The following LIPC variants were observed in gnomAD, a reference collection of about 807,000 sequenced individuals.
The protein encoded by LIPC is lipase C, hepatic type.
LIPC carries 44 observed loss-of-function variants against 50.7 expected under a neutral mutation model. The observed-to-expected ratio is 0.87, with a 90% confidence interval of 0.68 to 1.11. The LOEUF is 1.11. Among genes scored for constraint, LIPC ranks in the 50% most tolerant of loss-of-function variants. The pLI is 0.00. For missense variants in LIPC, 697 were observed against 648.2 expected, an observed-to-expected ratio of 1.08 and a Z score of -0.82; for synonymous variants, 271 against 256.4, an observed-to-expected ratio of 1.06 and a Z score of -0.54.
intron 1 of LIPC, chr15:58,454,979 T>C (rs1300924016): frequency 6.6e-6 from 1 of 152,250 alleles, no homozygotes. Context: ...CTGTTCTCAT[T>C]TTACTATTGT....
At chr15:58,452,798 A>G (rs1203890719) in intron 1 of LIPC, among the ~76,000 whole-genome samples, 2 of 152,108 alleles carry the variant, frequency 1.3e-5, no homozygotes, top group Non-Finnish European at 2.9e-5. Context: ...TCAGAGCCCA[A>G]CCCCCATGGG....
At chr15:58,561,462 G>A (rs1010719813) in intron 7 of LIPC, among the ~76,000 whole-genome samples, 1 of 152,200 alleles carries the variant, frequency 6.6e-6, no homozygotes, top group Non-Finnish European at 1.5e-5. Flanking sequence ...GGAGACCAAG[G>A]TTCTTATTAT....
In LIPC at chr15:58,542,524, T is replaced by G. The variant is rs768058337; in HGVS notation, c.457-10T>G. The stretch of plus-strand genomic sequence containing the variant: ...TCTTCTCCTGCCCCCATCCCGCTGC[T>G]GTCTTCCAGGAATCTGTGCAACTCT... On this transcript the variant is annotated splice_polypyrimidine_tract_variant and intron_variant, in intron 3 of 8. Coordinates refer to ENST00000299022, the MANE Select transcript of LIPC (RefSeq NM_000236.3). 3.2e-6 allele frequency: 5 copies of G among 1,575,758 alleles called. No homozygotes were observed.
chr15:58,538,312 G>GT (rs1380345378), intron 1 of LIPC, 21 bp from the exon 2 acceptor site: 2 of 1,613,266 alleles, frequency 1.2e-6, no homozygotes, highest in African/African-American at 2.7e-5. Flanking sequence ...GCTAAGCACC[G>GT]TCCCCAATCT....
At chr15:58,493,556 C>CGT (rs1891659837) in intron 1 of LIPC, among the ~76,000 whole-genome samples, 99 of 23,422 alleles carry the variant, frequency 4.2e-3, no homozygotes, top group African/African-American at 0.011. Context: ...AAATTTATTA[C>CGT]ATATAAATAA....
At chr15:58,445,887 T>C (rs1893677730) in intron 1 of LIPC, among the ~76,000 whole-genome samples, 1 of 152,236 alleles carries the variant, frequency 6.6e-6, no homozygotes, top group African/African-American at 2.4e-5. Context: ...TACGCATCTA[T>C]TTACTAAATA....
At chr15:58,480,923 G>A (rs578073150) in intron 1 of LIPC, among the ~76,000 whole-genome samples, 1 of 152,144 alleles carries the variant, frequency 6.6e-6, no homozygotes. Context: ...GCTTCTCGGA[G>A]GCAGGTCCAG....
At chr15:58,446,959 C>T (rs373573111) in intron 1 of LIPC, among the ~76,000 whole-genome samples, 1 of 151,808 alleles carries the variant, frequency 6.6e-6, no homozygotes, top group African/African-American at 2.4e-5. Context: ...ACCAGCCTGG[C>T]CAATATGGTG....
At chr15:58,528,178 C>T (rs1397844444) in intron 1 of LIPC, among the ~76,000 whole-genome samples, 1 of 151,476 alleles carries the variant, frequency 6.6e-6, no homozygotes, top group African/African-American at 2.4e-5. Context: ...GGCTGTTTGG[C>T]CAAGTTAATG....
At chr15:58,533,293 G>T in intron 1 of LIPC, 2 of 400,148 alleles carry the variant, frequency 5.0e-6, no homozygotes, top group Non-Finnish European at 6.8e-6. Flanking sequence ...AGAGTGGCCA[G>T]GTTTAAATGA....
chr15:58,449,264 ATT>A lies in LIPC; in HGVS notation c.88+17145_88+17146del, dbSNP rs573125208. ...TTATGAAGCATGTTGGCAGCCATCG[ATT>A]AGGACTAAACTCTATGCTCATTGGG... On this transcript the variant is annotated intron_variant, in intron 1 of 8. Coordinates refer to ENST00000299022, the MANE Select transcript of LIPC (RefSeq NM_000236.3). Among the ~76,000 whole-genome samples the A allele has an allele frequency of 8.5e-5, 13 of 152,322 alleles. No homozygotes were observed. In the South Asian group the frequency reaches 2.7e-3, roughly 32 times the overall value.
At chr15:58,450,051 T>G (rs576309834) in intron 1 of LIPC, among the ~76,000 whole-genome samples, 1 of 152,218 alleles carries the variant, frequency 6.6e-6, no homozygotes, top group Non-Finnish European at 1.5e-5. Flanking sequence ...AGCACCTTAG[T>G]AGAAAAATTG....
At chr15:58,491,473 G>A (rs1359301159) in intron 1 of LIPC, among the ~76,000 whole-genome samples, 1 of 152,216 alleles carries the variant, frequency 6.6e-6, no homozygotes, top group Non-Finnish European at 1.5e-5. Context: ...CTGCCTGGCA[G>A]ACTACTTAAA....
intron 1 of LIPC, among the ~76,000 whole-genome samples, chr15:58,519,786 T>C (rs1222803701): frequency 6.6e-6 from 1 of 152,242 alleles, no homozygotes; most frequent in Admixed American, 6.5e-5. Context: ...CCCTTGCTCT[T>C]AGCATCCGTT....
In LIPC at chr15:58,479,259, A is replaced by T. The variant is rs189769681; in HGVS notation, c.88+47139A>T. Among the ~76,000 whole-genome samples, 4 of 152,388 alleles carry T rather than the reference A, an allele frequency of 2.6e-5. No homozygotes were observed. The East Asian group carries it at 7.7e-4, about 29-fold the overall frequency. ...TCAGCCTGAAAATAATCAATGCAAT[A>T]GCACTGTAGTGACACTGTCGAAAAC... On this transcript the variant is annotated intron_variant, in intron 1 of 8. Coordinates refer to ENST00000299022, the MANE Select transcript of LIPC (RefSeq NM_000236.3).
chr15:58,472,484 G>A (rs1394568475), intron 1 of LIPC, among the ~76,000 whole-genome samples: 2 of 150,802 alleles, frequency 1.3e-5, no homozygotes, highest in Admixed American at 6.6e-5. Flanking sequence ...GCTGAGGCAT[G>A]CGAATCACTT....
At chr15:58,556,888 G>C (rs1893972325) in intron 6 of LIPC, among the ~76,000 whole-genome samples, 3 of 152,196 alleles carry the variant, frequency 2.0e-5, no homozygotes, top group African/African-American at 7.2e-5. Flanking sequence ...TTATAAAGTT[G>C]TTGTAAAGAG....
intron 1 of LIPC, among the ~76,000 whole-genome samples, chr15:58,537,100 A>G (rs1893148802): frequency 6.6e-6 from 1 of 152,222 alleles, no homozygotes; most frequent in Middle Eastern, 3.2e-3. Context: ...ACCTTCTACC[A>G]GAAGGAAGGG....
intron 7 of LIPC, 102 bp from the exon 8 acceptor site, chr15:58,563,403 C>A: frequency 2.0e-6 from 2 of 987,430 alleles, no homozygotes; most frequent in Non-Finnish European, 3.2e-6. Context: ...CAGCAAAAAT[C>A]CCAAGTCATT....
Sources: allele counts gnomAD v4.1 joint callset (sites outside exome capture counted in the v4.1 genomes callset), GRCh38; gene constraint gnomAD v4.1.1; transcripts MANE v1.5; gene names NCBI Gene and HGNC (gene_info 2026-07-23, HGNC 2026-07-21).